MCF2L2: variants seen among roughly 807,000 people sequenced by gnomAD.
MCF2L2 encodes probable guanine nucleotide exchange factor MCF2L2.
A neutral mutation model predicts 150.2 loss-of-function variants in MCF2L2; 102 were observed. The observed-to-expected ratio is 0.68, with a 90% CI of 0.58 to 0.80. MCF2L2 has a LOEUF of 0.80. Ranked by LOEUF, MCF2L2 falls within the 30% of genes least tolerant of loss-of-function variation. MCF2L2 has a pLI of 0.00. For missense variants in MCF2L2, 1,256 were observed against 1,372.8 expected, an observed-to-expected ratio of 0.91 and a Z score of 1.34; for synonymous variants, 465 against 491.3, an observed-to-expected ratio of 0.95 and a Z score of 0.71.
chr3:183,193,252 T>C (rs988759973), intron 26 of MCF2L2, among the ~76,000 whole-genome samples, 156 bp from the exon 27 acceptor site: 1 of 152,186 alleles, frequency 6.6e-6, no homozygotes, highest in Non-Finnish European at 1.5e-5. Flanking sequence ...AAGACCTGCC[T>C]CAGGTCAGTA....
Position 183,179,112 on chromosome 3 carries a change from C to G in MCF2L2, c.*268G>C. 2.6e-6 allele frequency: 1 copy of G among 381,736 alleles called. No individual in the cohort carries two copies. The highest frequency in any genetic ancestry group is 4.6e-6 in the Non-Finnish European group (1 of 216,880). 23.6% of individuals were successfully genotyped at this position (381,736 alleles called of 1,614,324 possible). A position where few individuals can be genotyped will look rare whatever the true frequency, so the allele number is the denominator to read the frequency against. ...CAAAGAATTGCCCGGCTCCGAATAT[C>G]GAAGTGCGCGGTCGAGAAGGCGTGG... is the stretch of plus-strand genomic sequence containing the variant. On this transcript the variant is annotated 3_prime_UTR_variant, in exon 30 of 30. Transcript: ENST00000328913. This position sits in a 1 kb window ranked among gnomAD's most constrained non-coding sequence, Gnocchi z 4.2.
intron 27 of MCF2L2, among the ~76,000 whole-genome samples, chr3:183,188,928 G>A (rs758788040): frequency 4.6e-5 from 7 of 151,904 alleles, no homozygotes; most frequent in South Asian, 2.1e-4. Context: ...TGATGGTGCC[G>A]TTGCACTCCA....
chr3:183,309,053 T>C (rs941187593), intron 10 of MCF2L2, among the ~76,000 whole-genome samples: 11 of 152,214 alleles, frequency 7.2e-5, no homozygotes, highest in Non-Finnish European at 1.5e-4. Context: ...ACACTTAAAA[T>C]GGAATCATTT....
chr3:183,316,299 ATTTT>A (rs11330224), intron 7 of MCF2L2, among the ~76,000 whole-genome samples: 30 of 149,694 alleles, frequency 2.0e-4, no homozygotes, highest in South Asian at 8.4e-4. Context: ...TTCAGTCCAG[ATTTT>A]TTTTTTTTGT....
intron 3 of MCF2L2, among the ~76,000 whole-genome samples, chr3:183,366,674 CT>C (rs912296410): frequency 2.6e-5 from 4 of 152,088 alleles, no homozygotes; most frequent in East Asian, 1.9e-4. Context: ...ACCATACGTG[CT>C]TTTGGAAGAT....
chr3:183,274,291 T>G (rs933807105), intron 15 of MCF2L2, among the ~76,000 whole-genome samples: 2 of 152,222 alleles, frequency 1.3e-5, no homozygotes, highest in East Asian at 1.9e-4. Flanking sequence ...GAGAGAGGGA[T>G]GAAATCACCT....
chr3:183,330,265 AAG>A (rs1553782107), intron 5 of MCF2L2, among the ~76,000 whole-genome samples: 1 of 139,374 alleles, frequency 7.2e-6, no homozygotes, highest in East Asian at 2.0e-4. Flanking sequence ...AAAAAAAAAG[AAG>A]AAGAAAAAAA....
chr3:183,282,225 C>A (rs1010151163), intron 14 of MCF2L2, among the ~76,000 whole-genome samples: 2 of 151,828 alleles, frequency 1.3e-5, no homozygotes, highest in Non-Finnish European at 2.9e-5. Flanking sequence ...GTCGCCCAGG[C>A]TGTGGTACAG....
At chr3:183,222,415 C>T (rs868219263) in intron 20 of MCF2L2, among the ~76,000 whole-genome samples, 5 of 152,124 alleles carry the variant, frequency 3.3e-5, no homozygotes, top group South Asian at 2.1e-4. Context: ...CCAGGCATGG[C>T]GGCGCGTGCC....
chr3:183,389,653 C>T (rs1268702443), intron 2 of MCF2L2, 43 bp downstream of exon 2: 3 of 1,514,140 alleles, frequency 2.0e-6, no homozygotes, highest in Non-Finnish European at 2.7e-6. Flanking sequence ...CCATCAAGAC[C>T]CCCCCATCAA....
intron 21 of MCF2L2, among the ~76,000 whole-genome samples, chr3:183,217,188 G>A (rs190240255): frequency 1.8e-4 from 27 of 151,164 alleles, no homozygotes; most frequent in Admixed American, 9.9e-4. Context: ...CAGCTACTTG[G>A]GAGGTTGAGG....
In MCF2L2 at chr3:183,311,016, G is replaced by GA; in HGVS notation, c.891_892insT (p.Leu298SerfsTer3). 1 of 1,606,864 alleles carries GA rather than the reference G, an allele frequency of 6.2e-7. No individual in the cohort carries two copies. Among genetic ancestry groups the GA allele is most frequent in the Non-Finnish European group, 8.5e-7 (1 of 1,173,500 alleles). ...CTAAAGGCTTTTTCTGTTTCATCCA[G>GA]TTGAACTAATAACCTTTCAAGAAAG... is the stretch of plus-strand genomic sequence containing the variant. On this transcript the variant is annotated frameshift_variant, in exon 9 of 30. Transcript: ENST00000328913. LOFTEE classifies it high-confidence loss of function.
intron 22 of MCF2L2, among the ~76,000 whole-genome samples, chr3:183,214,157 A>G (rs1337016900): frequency 6.6e-6 from 1 of 152,154 alleles, no homozygotes; most frequent in Non-Finnish European, 1.5e-5. Context: ...CAGGACATTC[A>G]TTAGATTCAG....
In MCF2L2 at chr3:183,379,389, G is replaced by A; in HGVS notation, c.183C>T (p.Ala61=). 6.2e-7 allele frequency: 1 copy of A among 1,610,254 alleles called. No homozygotes were observed. The highest frequency in any genetic ancestry group is 2.2e-5 in the East Asian group (1 of 44,468). Residue 61 remains alanine (A), a synonymous_variant, in exon 3 of 30, where the codon GCC becomes GCT. Transcript: ENST00000328913. ...AAAACTCTGGGAACGTGATGATGGGGGCGCCATCCTCCCCTCGGCCTCCTG... is the reference window on the plus strand; with the variant it reads ...AAAACTCTGGGAACGTGATGATGGGAGCGCCATCCTCCCCTCGGCCTCCTG... ...ILSGGRGEDG[A]PIITFPEFSG...
intron 26 of MCF2L2, among the ~76,000 whole-genome samples, chr3:183,194,225 G>C (rs544307342): frequency 1.3e-5 from 2 of 152,260 alleles, no homozygotes; most frequent in South Asian, 4.1e-4. Context: ...AATGAGCTTA[G>C]AAAAACTAAG....
chr3:183,243,694 C>A (rs1724130243), intron 15 of MCF2L2, among the ~76,000 whole-genome samples: 3 of 152,174 alleles, frequency 2.0e-5, no homozygotes, highest in Admixed American at 6.5e-5. Flanking sequence ...CTCCTTGCCT[C>A]TCATGAGTGG....
chr3:183,197,702 A>G lies in MCF2L2; in HGVS notation c.2885-2447T>C, dbSNP rs923200466. 3.3e-5 allele frequency among the ~76,000 whole-genome samples: 5 copies of G among 152,216 alleles called. No homozygotes were observed. Among genetic ancestry groups the G allele is most frequent in the African/African-American group, 1.2e-4 (5 of 41,468 alleles). On this transcript the variant is annotated intron_variant, in intron 25 of 29. Coordinates refer to ENST00000328913, the MANE Select transcript of MCF2L2 (RefSeq NM_015078.4). This position sits in a 1 kb window ranked among gnomAD's most constrained non-coding sequence, Gnocchi z 4.5. ...CACTAGAAGAAAATATTTACAAAGC[A>G]TTAAAAGGACATATATCTAGGATAT... is the stretch of plus-strand genomic sequence containing the variant.
At chr3:183,380,260 G>A (rs919785885) in intron 2 of MCF2L2, among the ~76,000 whole-genome samples, 3 of 152,138 alleles carry the variant, frequency 2.0e-5, no homozygotes, top group East Asian at 1.9e-4. Context: ...AAACTGTGTC[G>A]CAGGTAAGCA....
intron 14 of MCF2L2, among the ~76,000 whole-genome samples, chr3:183,288,505 A>G (rs1267978716): frequency 6.9e-6 from 1 of 144,790 alleles, no homozygotes; most frequent in Admixed American, 6.9e-5. Flanking sequence ...TTTTTGAGAC[A>G]TAGTTTCGCT....
Sources: gnomAD v4.1 joint callset for allele counts (sites outside exome capture counted in the v4.1 genomes callset) on GRCh38, gnomAD v4.1.1 for gene constraint, Gnocchi (gnomAD v3.1) non-coding constraint, MANE v1.5 for transcripts, NCBI Gene and HGNC (gene_info 2026-07-23, HGNC 2026-07-21) for gene names.